The following JMY variants were observed in gnomAD, a reference collection of about 807,000 sequenced individuals.
The protein encoded by JMY is junction mediating and regulatory protein, p53 cofactor, also known as junction-mediating and -regulatory protein.
A neutral mutation model predicts 103.3 loss-of-function variants in JMY; 46 were observed. The ratio of observed to expected loss-of-function variants is 0.45; its 90% CI spans 0.35 to 0.57. The LOEUF is 0.57. JMY is among the 20% of genes least tolerant of loss of function. The pLI is 0.00. For synonymous variants in JMY, 526 were observed against 489.3 expected, an observed-to-expected ratio of 1.07 and a Z score of -0.99; for missense variants, 1,238 against 1,255.2, an observed-to-expected ratio of 0.99 and a Z score of 0.21.
In JMY at chr5:79,243,990, C is replaced by T. The variant is rs539199255; in HGVS notation, c.1032+6308C>T. On this transcript the variant is annotated intron_variant, in intron 1 of 10. Coordinates refer to ENST00000396137, the MANE Select transcript of JMY (RefSeq NM_152405.5). The stretch of plus-strand genomic sequence containing the variant: ...TGCCCAGTCCACCAGAGATTTCTTT[C>T]TTTTTTCTTTTTTTCCTTTTTTTTT... Among the ~76,000 whole-genome samples, 3 of 150,214 alleles carry T rather than the reference C, an allele frequency of 2.0e-5. No individual in the cohort carries two copies. In the South Asian group the frequency reaches 6.3e-4, roughly 32 times the overall value.
At chr5:79,283,468 G>A (rs2112091023) in intron 2 of JMY, among the ~76,000 whole-genome samples, 1 of 152,212 alleles carries the variant, frequency 6.6e-6, no homozygotes, top group East Asian at 1.9e-4. Flanking sequence ...ATTTATATTT[G>A]TTTTTACATT....
At chr5:79,277,836 G>A in intron 1 of JMY, 74 bp from the exon 2 acceptor site, 1 of 1,372,300 alleles carries the variant, frequency 7.3e-7, no homozygotes, top group Admixed American at 2.1e-5. Context: ...TGGCATGATA[G>A]GGAGAGTTCA....
intron 8 of JMY, 93 bp downstream of exon 8, chr5:79,312,591 A>G: frequency 1.6e-6 from 1 of 625,710 alleles, no homozygotes; most frequent in Non-Finnish European, 2.5e-6. Flanking sequence ...TGTGGGAAAA[A>G]CTTGGTTTTC....
intron 1 of JMY, among the ~76,000 whole-genome samples, chr5:79,258,987 C>T (rs188127788): frequency 1.3e-5 from 2 of 152,282 alleles, no homozygotes; most frequent in Non-Finnish European, 2.9e-5. Flanking sequence ...GTGAGCAAGA[C>T]AAAGAGGAGC....
At chr5:79,255,668 G>A (rs1457287495) in intron 1 of JMY, among the ~76,000 whole-genome samples, 1 of 152,216 alleles carries the variant, frequency 6.6e-6, no homozygotes, top group Non-Finnish European at 1.5e-5. Flanking sequence ...ATATTGCTGT[G>A]GTTGTTGCAG....
At chr5:79,277,455 C>T (rs1349830992) in intron 1 of JMY, among the ~76,000 whole-genome samples, 2 of 150,242 alleles carry the variant, frequency 1.3e-5, no homozygotes, top group African/African-American at 2.5e-5. Flanking sequence ...GGTGAGACCC[C>T]GTCTCTACAA....
chr5:79,259,100 C>T (rs1054071912), intron 1 of JMY, among the ~76,000 whole-genome samples: 1 of 152,162 alleles, frequency 6.6e-6, no homozygotes, highest in African/African-American at 2.4e-5. Context: ...GAGAGGGTAG[C>T]TCCTCTCTGA....
intron 6 of JMY, among the ~76,000 whole-genome samples, chr5:79,305,148 A>G (rs935478107): frequency 2.6e-4 from 39 of 152,130 alleles, no homozygotes; most frequent in Non-Finnish European, 5.9e-5. Flanking sequence ...GACTTTCTCT[A>G]ATTGAAAGAG....
Position 79,276,213 on chromosome 5 carries a change from G to A in JMY, c.1033-1697G>A, listed in dbSNP as rs138269467. Among the ~76,000 whole-genome samples the A allele has an allele frequency of 4.9e-3, 749 of 152,246 alleles. 3 individuals carry two copies. The highest frequency in any genetic ancestry group is 0.017 in the African/African-American group (726 of 41,536). On this transcript the variant is annotated intron_variant, in intron 1 of 10. Transcript: ENST00000396137. ...GGCTCACTGCAACCTCTGCCTACCC[G>A]GTTCAAGTGATTCTCCTGCCTCAGC... is the stretch of plus-strand genomic sequence containing the variant.
In JMY at chr5:79,324,956, A is replaced by G. The variant is rs1165298278; in HGVS notation, c.*3354A>G. ...ACTATGTAGTAATATTTGGTAACAT[A>G]TGGCATGGCCACTTTATATCACAGA... On this transcript the variant is annotated 3_prime_UTR_variant, in exon 11 of 11. Transcript: ENST00000396137. 1 of 152,680 alleles carries G rather than the reference A, an allele frequency of 6.5e-6. No homozygotes were observed. The highest frequency in any genetic ancestry group is 1.9e-4 in the East Asian group (1 of 5,200). 9.5% of individuals were successfully genotyped at this position (152,680 alleles called of 1,614,324 possible). A position where few individuals can be genotyped will look rare whatever the true frequency, so the allele number is the denominator to read the frequency against.
chr5:79,266,447 G>C (rs1458317735), intron 1 of JMY, among the ~76,000 whole-genome samples: 1 of 152,138 alleles, frequency 6.6e-6, no homozygotes, highest in Admixed American at 6.6e-5. Flanking sequence ...AAGGTCAGGG[G>C]CGTTTTGTAT....
chr5:79,310,872 G>A (rs2112116293), intron 7 of JMY, among the ~76,000 whole-genome samples: 1 of 152,248 alleles, frequency 6.6e-6, no homozygotes. Flanking sequence ...CATACATGGT[G>A]GCTCCTGTCT....
Position 79,322,672 on chromosome 5 carries a change from C to T in JMY, c.*1070C>T, listed in dbSNP as rs1183619860. The T allele has an allele frequency of 6.6e-6, 1 of 152,198 alleles. No individual in the cohort carries two copies. The highest frequency in any genetic ancestry group is 2.1e-4 in the South Asian group (1 of 4,832). The allele number at this position is 152,198 out of a possible 1,614,324, so 9.4% of individuals were successfully genotyped here. ...TTGTTATAGTCACTAAAATTTTAAACTTATACACAGCTTTAGGTGCTGATT... is the reference window on the plus strand; with the variant it reads ...TTGTTATAGTCACTAAAATTTTAAATTTATACACAGCTTTAGGTGCTGATT... On this transcript the variant is annotated 3_prime_UTR_variant, in exon 11 of 11. Transcript: ENST00000396137.
chr5:79,314,269 C>A lies in JMY; in HGVS notation c.2077C>A (p.Gln693Lys). 6.2e-7 allele frequency: 1 copy of A among 1,609,870 alleles called. No individual in the cohort carries two copies. Among genetic ancestry groups the A allele is most frequent in the Non-Finnish European group, 8.5e-7 (1 of 1,178,124 alleles). The change falls in exon 9 of 11, where the codon CAA (glutamine) becomes AAA (lysine). Residue 693 changes from glutamine to lysine, a missense_variant. By Grantham distance (53) the Gln-to-Lys change is moderately conservative. Transcript: ENST00000396137. The stretch of plus-strand genomic sequence containing the variant: ...TCTGGTATTTTAGAGGTATCCTGGG[C>A]AAGTCATACTTAAATCAACCAGATT... ...LRTFKQRYPGQVILKSTRLRL... is the reference protein window; with the variant it reads ...LRTFKQRYPGKVILKSTRLRL...
chr5:79,302,083 CA>C (rs33983370), intron 6 of JMY, among the ~76,000 whole-genome samples: 4,648 of 102,520 alleles, frequency 0.045, 59 homozygotes, highest in African/African-American at 0.081. Context: ...AACTCCGTCT[CA>C]AAAAAAAAAA....
intron 1 of JMY, among the ~76,000 whole-genome samples, chr5:79,255,109 G>GCT (rs1433862791): frequency 7.1e-6 from 1 of 141,624 alleles, no homozygotes; most frequent in African/African-American, 2.7e-5. Context: ...CTGTCTGAAA[G>GCT]GTCACATATC....
In JMY at chr5:79,324,041, C is replaced by T. The variant is rs1747550813; in HGVS notation, c.*2439C>T. 1 of 152,196 alleles carries T rather than the reference C, an allele frequency of 6.6e-6. No homozygotes were observed. Among genetic ancestry groups the T allele is most frequent in the African/African-American group, 2.4e-5 (1 of 41,448 alleles). 9.4% of individuals were successfully genotyped at this position (152,196 alleles called of 1,614,324 possible). ...CCTTGCCTTAAGGTGCAGGTTCCTA[C>T]TTCTACAAAATTTCAAATGATTGCA... On this transcript the variant is annotated 3_prime_UTR_variant, in exon 11 of 11. Coordinates refer to ENST00000396137, the MANE Select transcript of JMY (RefSeq NM_152405.5).
At chr5:79,276,854 C>G (rs879945514) in intron 1 of JMY, among the ~76,000 whole-genome samples, 1 of 152,048 alleles carries the variant, frequency 6.6e-6, no homozygotes, top group Admixed American at 6.5e-5. Context: ...ATCCACCCCC[C>G]ACGGCCTCCC....
chr5:79,285,565 C>T (rs56309345), intron 2 of JMY, among the ~76,000 whole-genome samples: 41,540 of 84,190 alleles, frequency 0.49, 6,920 homozygotes, highest in South Asian at 0.61. Flanking sequence ...CGATTTCTCT[C>T]TTTTTTTTTT....
Sources: allele counts gnomAD v4.1 joint callset (sites outside exome capture counted in the v4.1 genomes callset), GRCh38; gene constraint gnomAD v4.1.1; transcripts MANE v1.5; gene names NCBI Gene and HGNC (gene_info 2026-07-23, HGNC 2026-07-21).